Variants in PCNX1 observed in about 807,000 individuals in gnomAD.
The protein encoded by PCNX1 is pecanex-like protein 1.
Under a neutral mutation model 242.2 loss-of-function variants are expected in PCNX1, and 78 were observed. That is an observed-to-expected ratio of 0.32 (90% CI 0.27 to 0.39). The LOEUF is 0.39. Ranked by LOEUF, PCNX1 falls within the 10% of genes least tolerant of loss-of-function variation. The pLI is 1.00. For synonymous variants in PCNX1, 1,024 were observed against 1,032.9 expected (o/e 0.99, Z 0.17); for missense variants, 2,581 against 2,856.5 (o/e 0.90, Z 2.20).
chr14:70,949,269 G>GCACACACGTGTATA (rs1215783107), intron 2 of PCNX1, among the ~76,000 whole-genome samples: 2 of 27,840 alleles, frequency 7.2e-5, no homozygotes, highest in Non-Finnish European at 2.0e-4. Flanking sequence ...ACACGTGTAT[G>GCACACACGTGTATA]CACACACGTG....
intron 7 of PCNX1, among the ~76,000 whole-genome samples, chr14:70,995,121 AT>A (rs2059310039): frequency 3.3e-5 from 5 of 152,196 alleles, no homozygotes; most frequent in African/African-American, 1.2e-4. Context: ...ATAACACTTT[AT>A]ATTAAGTCTA....
Position 71,108,623 on chromosome 14 carries a change from C to G in PCNX1, c.6321C>G (p.His2107Gln). ...PPTLGTSHSS[H>Q]SVQSGLVRQS... ...TCCTAGGCACTAGCCACAGCTCTCA[C>G]TCTGTGCAGTCGGGCCTGGTCAGAC... The change falls in exon 34 of 36, where the codon CAC becomes CAG. Residue 2107 changes from histidine to glutamine, a missense_variant. Transcript: ENST00000304743. The G allele has an allele frequency of 1.2e-6, 2 of 1,612,358 alleles. No homozygotes were observed. Among genetic ancestry groups the G allele is most frequent in the Non-Finnish European group, 1.7e-6 (2 of 1,178,782 alleles).
At position 70,976,951 on chromosome 14, in the gene PCNX1, C is replaced by G. The variant is rs1880530841; in HGVS notation, c.614C>G (p.Ala205Gly). 6 of 1,610,284 alleles carry G rather than the reference C, an allele frequency of 3.7e-6. No individual in the cohort carries two copies. The highest frequency in any genetic ancestry group is 5.1e-6 in the Non-Finnish European group (6 of 1,177,414). Residue 205 changes from alanine to glycine, a missense_variant, in exon 6 of 36, where the codon GCT becomes GGT. Physicochemically the swap from Ala to Gly is moderately conservative, Grantham distance 60. Transcript: ENST00000304743. ...KEGSEEQDLA[A>G]DRKLFRLVSN... Reference sequence around the variant, plus strand: ...TATGTGTTTGAAACAGATTTGGCAGCTGATCGGAAGCTCTTTCGTCTTGTC... The same window carrying G: ...TATGTGTTTGAAACAGATTTGGCAGGTGATCGGAAGCTCTTTCGTCTTGTC...
intron 1 of PCNX1, among the ~76,000 whole-genome samples, chr14:70,927,081 AG>A (rs1343619578): frequency 6.6e-6 from 1 of 152,208 alleles, no homozygotes; most frequent in African/African-American, 2.4e-5. Context: ...CTTTCTTCAA[AG>A]GATTGTGGCA....
At position 70,909,268 on chromosome 14, in the gene PCNX1, T is replaced by TTA. The variant is rs562160610; in HGVS notation, c.153+1265_153+1266insTA. Among the ~76,000 whole-genome samples the TTA allele has an allele frequency of 4.7e-5, 7 of 149,540 alleles. No homozygotes were observed. The South Asian group carries it at 1.5e-3, about 31-fold the overall frequency. The stretch of plus-strand genomic sequence containing the variant: ...TTTGAAGGGACTTATTGTTTGAGGT[T>TTA]AAAAAAAAAAGCCATTAAGAAATGC... On this transcript the variant is annotated intron_variant, in intron 1 of 35. Coordinates refer to ENST00000304743, the MANE Select transcript of PCNX1 (RefSeq NM_014982.3).
intron 1 of PCNX1, among the ~76,000 whole-genome samples, chr14:70,944,413 A>G (rs1048912719): frequency 6.6e-6 from 1 of 152,198 alleles, no homozygotes; most frequent in African/African-American, 2.4e-5. Flanking sequence ...TGGGGCCTGT[A>G]GTCCCTTTGT....
At chr14:71,060,510 T>C (rs2061300862) in intron 26 of PCNX1, among the ~76,000 whole-genome samples, 1 of 152,220 alleles carries the variant, frequency 6.6e-6, no homozygotes, top group Non-Finnish European at 1.5e-5. Context: ...CATTCGATTT[T>C]ATGGCCCCTA....
At chr14:71,052,212 C>G (rs2061055827) in intron 24 of PCNX1, among the ~76,000 whole-genome samples, 200 bp downstream of exon 24, 1 of 149,322 alleles carries the variant, frequency 6.7e-6, no homozygotes, top group African/African-American at 2.5e-5. Context: ...ATTTTTCTTT[C>G]TTTCCTTTTT....
In PCNX1 at chr14:71,045,196, C is replaced by T; in HGVS notation, c.3931C>T (p.Leu1311=). 6.2e-7 allele frequency: 1 copy of T among 1,612,684 alleles called. No individual in the cohort carries two copies. The highest frequency in any genetic ancestry group is 8.5e-7 in the Non-Finnish European group (1 of 1,178,794). ...GFVGFVTHYV[L]PQVRKQLPWH... Reference sequence around the variant, plus strand: ...TGTGGGTTTTGTAACCCATTATGTGCTGCCTCAAGTTAGAAAACAGCTACC... The same window carrying T: ...TGTGGGTTTTGTAACCCATTATGTGTTGCCTCAAGTTAGAAAACAGCTACC... The change falls in exon 20 of 36, where the codon CTG becomes TTG. Residue 1311 remains leucine (L), a synonymous_variant. Transcript: ENST00000304743.
At position 71,047,827 on chromosome 14, in the gene PCNX1, C is replaced by T; in HGVS notation, c.4181C>T (p.Thr1394Ile). The stretch of plus-strand genomic sequence containing the variant: ...CACAGATTAGGTGCTTTAATGATCA[C>T]TGTTGCTGGTTTGAAGTTGCTACGA... ...LNTELGALMI[T>I]VAGLKLLRSS... is the part of the protein sequence containing the mutation. Residue 1394 changes from threonine (T) to isoleucine (I), a missense_variant, in exon 22 of 36, where the codon ACT (threonine) becomes ATT (isoleucine). By Grantham distance (89) the Thr-to-Ile change is moderately conservative. Transcript: ENST00000304743. 6.2e-7 allele frequency: 1 copy of T among 1,611,858 alleles called. No homozygotes were observed. Among genetic ancestry groups the T allele is most frequent in the Non-Finnish European group, 8.5e-7 (1 of 1,178,494 alleles).
intron 6 of PCNX1, among the ~76,000 whole-genome samples, chr14:70,981,094 C>G (rs550271912): frequency 6.6e-6 from 1 of 152,066 alleles, no homozygotes; most frequent in African/African-American, 2.4e-5. Flanking sequence ...TGTTGTGACT[C>G]TAGGAAAGCT....
chr14:70,953,958 C>T (rs868516037), intron 2 of PCNX1, among the ~76,000 whole-genome samples: 4 of 152,098 alleles, frequency 2.6e-5, no homozygotes, highest in East Asian at 1.9e-4. Flanking sequence ...GTGATCCACG[C>T]GCCTGGCTAG....
chr14:70,976,859 G>A (rs1282310883), intron 5 of PCNX1, 83 bp from the exon 6 acceptor site: 10 of 1,126,110 alleles, frequency 8.9e-6, no homozygotes, highest in Non-Finnish European at 1.2e-5. Context: ...TTTACTGTAT[G>A]CAGTGAATTC....
At chr14:70,939,558 C>G (rs138687193) in intron 1 of PCNX1, among the ~76,000 whole-genome samples, 1,850 of 152,122 alleles carry the variant, frequency 0.012, 42 homozygotes, top group African/African-American at 0.042. Context: ...CCAACTGTGT[C>G]GTCAGTTTTG....
chr14:71,098,553 T>TGA lies in PCNX1; in HGVS notation c.5590-3422_5590-3421dup, dbSNP rs1555379088. 3.6e-3 allele frequency among the ~76,000 whole-genome samples: 453 copies of TGA among 125,580 alleles called. 5 individuals carry two copies. Among genetic ancestry groups the TGA allele is most frequent in the South Asian group, 0.025 (95 of 3,836 alleles). The allele number at this position is 125,580 out of a possible 152,430, so 82.4% of individuals were successfully genotyped here. Reference sequence around the variant, plus strand: ...GTGTGTGTGTGTGTGTGTGTGTGTGTGAGAGAGAGAGAGAGAACATTGTAG... The same window carrying TGA: ...GTGTGTGTGTGTGTGTGTGTGTGTGTGAGAGAGAGAGAGAGAGAACATTGTAG... On this transcript the variant is annotated intron_variant, in intron 30 of 35. Transcript: ENST00000304743.
At chr14:70,949,360 TAC>T (rs2140341227) in intron 2 of PCNX1, among the ~76,000 whole-genome samples, 1 of 145,788 alleles carries the variant, frequency 6.9e-6, no homozygotes, top group East Asian at 2.0e-4. Flanking sequence ...CGTGCATATA[TAC>T]ATATATAGAC....
rs1401475130 is a variant in PCNX1, at chr14:70,995,801, C to G, written c.2505C>G (p.Pro835=). Residue 835 remains proline, a synonymous_variant, in exon 8 of 36, where the codon CCC becomes CCG. Coordinates refer to ENST00000304743, the MANE Select transcript of PCNX1 (RefSeq NM_014982.3). ...CCCAGGTCAAAGTCCAGTCCCGCCC[C>G]CCTTCCCAGGCTGCAGTGCTCAGTG... The part of the protein sequence containing the change: ...STAQVKVQSR[P]PSQAAVLSAS... 12 of 1,614,104 alleles carry G rather than the reference C, an allele frequency of 7.4e-6. No individual in the cohort carries two copies. The highest frequency in any genetic ancestry group is 1.0e-5 in the Non-Finnish European group (12 of 1,179,990).
intron 7 of PCNX1, among the ~76,000 whole-genome samples, chr14:70,990,754 C>G (rs985693421): frequency 6.6e-6 from 1 of 152,128 alleles, no homozygotes; most frequent in South Asian, 2.1e-4. Context: ...TGTGAGCCTT[C>G]CTGTTCTTTT....
chr14:70,946,018 C>A (rs568346573), intron 1 of PCNX1, among the ~76,000 whole-genome samples: 1 of 152,300 alleles, frequency 6.6e-6, no homozygotes, highest in East Asian at 1.9e-4. Context: ...TCCCAGTGAG[C>A]TGTTCTCCAA....
Sources: allele counts gnomAD v4.1 joint callset (sites outside exome capture counted in the v4.1 genomes callset), GRCh38; gene constraint gnomAD v4.1.1; transcripts MANE v1.5; gene names NCBI Gene and HGNC (gene_info 2026-07-23, HGNC 2026-07-21).